SAV1: variants seen among roughly 807,000 people sequenced by gnomAD.
SAV1 encodes salvador family WW domain containing protein 1, also known as protein salvador homolog 1.
Under a neutral mutation model 47.3 loss-of-function variants are expected in SAV1, and 23 were observed. The observed-to-expected ratio is 0.49, with a 90% CI of 0.35 to 0.69. SAV1 has a LOEUF of 0.69. Among genes scored for constraint, SAV1 ranks in the 30% least tolerant of loss-of-function variants. The pLI is 0.01. For missense variants in SAV1, 448 were observed against 457.4 expected (o/e 0.98, Z 0.19); for synonymous variants, 155 against 159.2 (o/e 0.97, Z 0.20).
chr14:50,667,837 C>T, intron 1 of SAV1, 37 bp downstream of exon 1: 1 of 1,580,600 alleles, frequency 6.3e-7, no homozygotes, highest in Non-Finnish European at 8.7e-7. Context: ...ACCTGGCCGC[C>T]TGGGCCAGGT....
intron 3 of SAV1, among the ~76,000 whole-genome samples, chr14:50,642,993 G>A (rs975495219): frequency 2.0e-5 from 3 of 152,072 alleles, no homozygotes; most frequent in African/African-American, 7.2e-5. Flanking sequence ...TTGTAAAAGT[G>A]GAATAATAAA....
At position 50,634,900 on chromosome 14, in the gene SAV1, G is replaced by T; in HGVS notation, c.*283C>A. ...AGTAATAATTTCCTATTTAACATCT[G>T]TTCATAATGACATTTCCGCTGCGTT... On this transcript the variant is annotated 3_prime_UTR_variant, in exon 5 of 5. Coordinates refer to ENST00000324679, the MANE Select transcript of SAV1 (RefSeq NM_021818.4). The T allele has an allele frequency of 3.3e-6, 1 of 306,014 alleles. No individual in the cohort carries two copies. Among genetic ancestry groups the T allele is most frequent in the Non-Finnish European group, 6.0e-6 (1 of 165,560 alleles). The allele number at this position is 306,014 out of a possible 1,614,324, so 19.0% of individuals were successfully genotyped here.
In SAV1 at chr14:50,639,367, A is replaced by AT. The variant is rs933622236; in HGVS notation, c.950+1382dup. Among the ~76,000 whole-genome samples the AT allele has an allele frequency of 7.2e-4, 46 of 63,854 alleles. 1 individual carries two copies. The East Asian group carries it at 0.011, about 15-fold the overall frequency. The allele number at this position is 63,854 out of a possible 152,430, so 41.9% of individuals were successfully genotyped here. A position where few individuals can be genotyped will look rare whatever the true frequency, so the allele number is the denominator to read the frequency against. The stretch of plus-strand genomic sequence containing the variant: ...ATGTCTCTTTTTGTTGTGATAATTG[A>AT]TTCTCATTATCTAATTCATAGATAA... On this transcript the variant is annotated intron_variant, in intron 4 of 4. Transcript: ENST00000324679.
Position 50,635,255 on chromosome 14 carries a change from G to A in SAV1, c.1080C>T (p.Ala360=), listed in dbSNP as rs2140245710. 1 of 1,614,014 alleles carries A rather than the reference G, an allele frequency of 6.2e-7. No homozygotes were observed. Among genetic ancestry groups the A allele is most frequent in the South Asian group, 1.1e-5 (1 of 91,068 alleles). ...IVKMYEAYRQ[A]LLTELENRKQ... ...TTCGGTTTTCCAACTCTGTAAGAAG[G>A]GCTTGTCTGTATGCTTCATACATTT... The change falls in exon 5 of 5, where the codon GCC becomes GCT. Residue 360 remains alanine (A), a synonymous_variant. Transcript: ENST00000324679.
chr14:50,647,284 A>T (rs78431557), intron 2 of SAV1, among the ~76,000 whole-genome samples: 7,507 of 152,266 alleles, frequency 0.049, 201 homozygotes, highest in African/African-American at 0.068. Context: ...TGTGAAGGAC[A>T]CTAAGAGAAA....
chr14:50,637,413 A>T (rs1388993788), intron 4 of SAV1, among the ~76,000 whole-genome samples: 1 of 152,174 alleles, frequency 6.6e-6, no homozygotes, highest in Non-Finnish European at 1.5e-5. Context: ...TCCTAACAAA[A>T]AATCTTAATC....
chr14:50,649,185 T>G (rs1011076113), intron 2 of SAV1, among the ~76,000 whole-genome samples: 1 of 152,252 alleles, frequency 6.6e-6, no homozygotes, highest in Non-Finnish European at 1.5e-5. Context: ...TCTTCTCAAA[T>G]GTTTCAATGA....
chr14:50,662,800 A>G (rs1470190052), intron 2 of SAV1: 1 of 152,240 alleles, frequency 6.6e-6, no homozygotes, highest in Non-Finnish European at 1.5e-5. Context: ...AATAACACAT[A>G]TTCTATATTA....
At chr14:50,660,485 T>C (rs1245313183) in intron 2 of SAV1, among the ~76,000 whole-genome samples, 1 of 152,216 alleles carries the variant, frequency 6.6e-6, no homozygotes, top group African/African-American at 2.4e-5. Context: ...TTTATAGCAT[T>C]TTTTGGATAC....
rs2039709665 is a variant in SAV1, at chr14:50,644,982, T to C, written c.568A>G (p.Asn190Asp). 1.2e-6 allele frequency: 2 copies of C among 1,612,482 alleles called. No individual in the cohort carries two copies. The highest frequency in any genetic ancestry group is 1.7e-6 in the Non-Finnish European group (2 of 1,179,914). Residue 190 changes from asparagine to aspartate, a missense_variant, in exon 3 of 5, where the codon AAT becomes GAT. By Grantham distance (23) the Asn-to-Asp change is conservative. Coordinates refer to ENST00000324679, the MANE Select transcript of SAV1 (RefSeq NM_021818.4). ...TCTTCAGAACCATGGTTAGTCAAAT[T>C]TCCTAAAGATGTAGCAGCAACTCTC... Reference protein sequence around the residue: ...IGRVAATSLGNLTNHGSEDLP... With the variant: ...IGRVAATSLGDLTNHGSEDLP...
intron 3 of SAV1, among the ~76,000 whole-genome samples, chr14:50,644,538 GGTT>G (rs2140251341): frequency 6.7e-6 from 1 of 150,036 alleles, no homozygotes; most frequent in South Asian, 2.1e-4. Flanking sequence ...TTGTTTTTGA[GGTT>G]TTTTTAAAGA....
chr14:50,654,812 C>T (rs538071183), intron 2 of SAV1, among the ~76,000 whole-genome samples: 1 of 152,332 alleles, frequency 6.6e-6, no homozygotes, highest in South Asian at 2.1e-4. Flanking sequence ...AAGCTGACAT[C>T]TGTACCCATG....
chr14:50,668,009 A>T lies in SAV1; in HGVS notation c.-42T>A, dbSNP rs1378352445. ...CGAGGCCGCGCTGAACTGCCTCCCT[A>T]GGGCTCCGCGCCGGGCGCCGGCCGT... On this transcript the variant is annotated 5_prime_UTR_variant, in exon 1 of 5. An upstream open reading frame in the 5' UTR loses its in-frame stop. Coordinates refer to ENST00000324679, the MANE Select transcript of SAV1 (RefSeq NM_021818.4). 6.8e-7 allele frequency: 1 copy of T among 1,477,340 alleles called. No individual in the cohort carries two copies. Among genetic ancestry groups the T allele is most frequent in the Non-Finnish European group, 9.1e-7 (1 of 1,101,082 alleles). The allele number at this position is 1,477,340 out of a possible 1,614,324, so 91.5% of individuals were successfully genotyped here. A position where few individuals can be genotyped will look rare whatever the true frequency, so the allele number is the denominator to read the frequency against.
intron 2 of SAV1, among the ~76,000 whole-genome samples, chr14:50,653,001 A>C (rs2039781867): frequency 6.6e-6 from 1 of 152,170 alleles, no homozygotes; most frequent in African/African-American, 2.4e-5. Flanking sequence ...ACTGCACTCC[A>C]GCCTGGGTGA....
At chr14:50,657,839 A>C (rs1164027465) in intron 2 of SAV1, among the ~76,000 whole-genome samples, 1 of 152,220 alleles carries the variant, frequency 6.6e-6, no homozygotes, top group Non-Finnish European at 1.5e-5. Flanking sequence ...ATAAAGTATT[A>C]TTTTCTCTCT....
At chr14:50,658,345 G>C (rs554162447) in intron 2 of SAV1, among the ~76,000 whole-genome samples, 4 of 152,288 alleles carry the variant, frequency 2.6e-5, no homozygotes, top group African/African-American at 9.6e-5. Flanking sequence ...AAGGAATTCA[G>C]TCTGCCTTTA....
At chr14:50,650,667 G>C (rs908953804) in intron 2 of SAV1, among the ~76,000 whole-genome samples, 1 of 152,192 alleles carries the variant, frequency 6.6e-6, no homozygotes, top group East Asian at 1.9e-4. Context: ...CATGAGTGAG[G>C]AATTGAGGCC....
chr14:50,666,387 G>A (rs1249297922), intron 1 of SAV1, among the ~76,000 whole-genome samples: 1 of 152,142 alleles, frequency 6.6e-6, no homozygotes, highest in East Asian at 1.9e-4. Context: ...GACATTCCCA[G>A]TTAGAAAGCA....
intron 1 of SAV1, among the ~76,000 whole-genome samples, chr14:50,666,209 T>C (rs1307538522): frequency 6.6e-6 from 1 of 152,178 alleles, no homozygotes; most frequent in East Asian, 1.9e-4. Context: ...AAAATTTATG[T>C]ATGAAAATTG....
Sources: gnomAD v4.1 joint callset for allele counts (sites outside exome capture counted in the v4.1 genomes callset) on GRCh38, gnomAD v4.1.1 for gene constraint, MANE v1.5 for transcripts, NCBI Gene and HGNC (gene_info 2026-07-23, HGNC 2026-07-21) for gene names.